Variants in PIK3C2G observed in about 807,000 individuals in gnomAD.
PIK3C2G encodes the protein phosphatidylinositol-4-phosphate 3-kinase catalytic subunit type 2 gamma, also known as phosphatidylinositol 3-kinase C2 domain-containing subunit gamma.
In PIK3C2G, 168 loss-of-function variants were observed where a neutral mutation model predicts 181.1. The ratio of observed to expected loss-of-function variants is 0.93; its 90% CI spans 0.82 to 1.05. The LOEUF is 1.05. Among genes scored for constraint, PIK3C2G ranks in the 50% least tolerant of loss-of-function variants. The probability of loss-of-function intolerance (pLI) is 0.00; values close to 1 mark genes in which losing one functional copy is unlikely to be tolerated. For synonymous variants in PIK3C2G, 573 were observed against 592.2 expected (o/e 0.97, Z 0.47); for missense variants, 1,869 against 1,732.8 (o/e 1.08, Z -1.40).
intron 32 of PIK3C2G, 91 bp from the exon 33 acceptor site, chr12:18,647,785 C>A: frequency 3.2e-6 from 2 of 622,254 alleles, no homozygotes; most frequent in Non-Finnish European, 5.0e-6. Context: ...AAGATATTAG[C>A]AGCTAATTTT....
At chr12:18,486,320 T>G (rs1215118447) in intron 18 of PIK3C2G, among the ~76,000 whole-genome samples, 1 of 152,162 alleles carries the variant, frequency 6.6e-6, no homozygotes, top group Admixed American at 6.6e-5. Flanking sequence ...TTTTAGGATA[T>G]AGTCACATGT....
At chr12:18,698,369 C>G in the PIK3C2G span, among the ~76,000 whole-genome samples, 3 of 151,408 alleles carry the variant, frequency 2.0e-5, no homozygotes, top group African/African-American at 4.9e-5. Flanking sequence ...TAGTCCAGAC[C>G]TACTGAATTG....
At chr12:18,293,448 T>C (rs1000326674) in intron 4 of PIK3C2G, among the ~76,000 whole-genome samples, 1 of 152,180 alleles carries the variant, frequency 6.6e-6, no homozygotes, top group South Asian at 2.1e-4. Context: ...TTATTGCAGT[T>C]AATTCAGAAT....
At chr12:18,260,688 GA>G (rs768956375), upstream of PIK3C2G, among the ~76,000 whole-genome samples, 1 of 151,978 alleles carries the variant, frequency 6.6e-6, no homozygotes, top group African/African-American at 2.4e-5. Flanking sequence ...AAAAAGAAGA[GA>G]AAAAAACAGC....
At chr12:18,595,054 T>A (rs1565543521) in intron 30 of PIK3C2G, among the ~76,000 whole-genome samples, 1 of 152,092 alleles carries the variant, frequency 6.6e-6, no homozygotes. Context: ...AAAGATTTGA[T>A]TCTCAATACA....
chr12:18,589,078 C>A (rs1405287263), intron 29 of PIK3C2G, among the ~76,000 whole-genome samples: 1 of 151,822 alleles, frequency 6.6e-6, no homozygotes, highest in East Asian at 1.9e-4. Flanking sequence ...ACAACAGATA[C>A]TGGAGTCTAC....
chr12:18,325,394 A>G (rs141452674), intron 8 of PIK3C2G, among the ~76,000 whole-genome samples: 1 of 152,294 alleles, frequency 6.6e-6, no homozygotes, highest in Non-Finnish European at 1.5e-5. Flanking sequence ...TCCCAGCCAG[A>G]GACGGGCATT....
At chr12:18,659,770 C>A in the PIK3C2G span, among the ~76,000 whole-genome samples, 2 of 151,248 alleles carry the variant, frequency 1.3e-5, no homozygotes, top group Non-Finnish European at 2.9e-5. Flanking sequence ...GTGTGCTGCA[C>A]CCGTTAACTC....
chr12:18,396,325 A>T (rs1437523596), intron 15 of PIK3C2G, among the ~76,000 whole-genome samples: 1 of 151,732 alleles, frequency 6.6e-6, no homozygotes, highest in African/African-American at 2.4e-5. Flanking sequence ...CCCATTCATG[A>T]TAAAAACTCA....
chr12:18,277,955 C>T (rs978614352), intron 1 of PIK3C2G, among the ~76,000 whole-genome samples: 4 of 152,098 alleles, frequency 2.6e-5, no homozygotes, highest in Non-Finnish European at 5.9e-5. Context: ...ATTAATAATA[C>T]CAGCTTTCAA....
chr12:18,296,918 C>T (rs1949964415), intron 5 of PIK3C2G, among the ~76,000 whole-genome samples: 1 of 152,026 alleles, frequency 6.6e-6, no homozygotes, highest in Non-Finnish European at 1.5e-5. Flanking sequence ...AAATCATCTG[C>T]TTCATTCAAA....
chr12:18,560,800 A>T (rs1368601592), intron 26 of PIK3C2G, among the ~76,000 whole-genome samples: 4 of 152,178 alleles, frequency 2.6e-5, no homozygotes, highest in Admixed American at 6.5e-5. Context: ...GGCACTATTT[A>T]AAAAAATGAC....
intron 11 of PIK3C2G, among the ~76,000 whole-genome samples, chr12:18,356,405 G>C (rs1054869609): frequency 6.6e-6 from 1 of 152,060 alleles, no homozygotes; most frequent in African/African-American, 2.4e-5. Context: ...AGTGCTTCTG[G>C]GTGCTGATAG....
At chr12:18,657,421 A>C in the PIK3C2G span, among the ~76,000 whole-genome samples, 8 of 151,940 alleles carry the variant, frequency 5.3e-5, no homozygotes, top group African/African-American at 1.9e-4. Context: ...ATGAAAGCAC[A>C]AATGAAGACT....
At chr12:18,601,169 TA>T (rs1266956066) in intron 30 of PIK3C2G, among the ~76,000 whole-genome samples, 1 of 151,928 alleles carries the variant, frequency 6.6e-6, no homozygotes, top group African/African-American at 2.4e-5. Flanking sequence ...ATATAATACA[TA>T]TTATCATATT....
At chr12:18,557,670 A>C (rs2136312718) in intron 26 of PIK3C2G, among the ~76,000 whole-genome samples, 1 of 152,242 alleles carries the variant, frequency 6.6e-6, no homozygotes, top group South Asian at 2.1e-4. Flanking sequence ...CACTACCATT[A>C]TTTGCAGGTT....
At chr12:18,661,179 C>T in the PIK3C2G span, among the ~76,000 whole-genome samples, 1 of 151,902 alleles carries the variant, frequency 6.6e-6, no homozygotes, top group Non-Finnish European at 1.5e-5. Context: ...TGAAGCAGAC[C>T]AACATATCCA....
chr12:18,424,068 C>A (rs189596557), intron 18 of PIK3C2G, 29 bp downstream of exon 18: 10 of 1,387,540 alleles, frequency 7.2e-6, no homozygotes, highest in South Asian at 2.4e-5. Flanking sequence ...GGCAAGGATG[C>A]CTTTTTAATT....
chr12:18,485,606 A>G (rs1412926846), intron 18 of PIK3C2G, among the ~76,000 whole-genome samples: 1 of 152,132 alleles, frequency 6.6e-6, no homozygotes, highest in African/African-American at 2.4e-5. Context: ...TGTGTACAAA[A>G]TAATACCAAA....
Sources: allele counts gnomAD v4.1 joint callset (sites outside exome capture counted in the v4.1 genomes callset), GRCh38; gene constraint gnomAD v4.1.1; transcripts MANE v1.5; gene names NCBI Gene and HGNC (gene_info 2026-07-23, HGNC 2026-07-21).